The following OR2C3 variants were observed in gnomAD, a reference collection of about 807,000 sequenced individuals.
OR2C3 encodes olfactory receptor family 2 subfamily C member 3, also known as olfactory receptor 2C3.
For missense variants in OR2C3, 425 were observed against 401.5 expected (o/e 1.06, Z -0.50); for synonymous variants, 178 against 163.4 (o/e 1.09, Z -0.68).
chr1:247,527,076 T>TG lies in OR2C3; in HGVS notation c.*4472_*4473insC, dbSNP rs1307737943. Reference sequence around the variant, plus strand: ...TGAGGTACAAATCACATTTCAAGTGTATTTCCTTGGGTTCTGGAGAGGATG... The same window carrying TG: ...TGAGGTACAAATCACATTTCAAGTGTGATTTCCTTGGGTTCTGGAGAGGATG... On this transcript the variant is annotated 3_prime_UTR_variant, in exon 3 of 3. Transcript: ENST00000641802. This position sits in a 1 kb window ranked among gnomAD's most constrained non-coding sequence, Gnocchi z 4.6. The TG allele has an allele frequency of 2.2e-6, 1 of 456,640 alleles. No homozygotes were observed. Among genetic ancestry groups the TG allele is most frequent in the Non-Finnish European group, 4.4e-6 (1 of 226,948 alleles). The allele number at this position is 456,640 out of a possible 1,614,324, so 28.3% of individuals were successfully genotyped here. A position where few individuals can be genotyped will look rare whatever the true frequency, so the allele number is the denominator to read the frequency against.
At position 247,531,496 on chromosome 1, in the gene OR2C3, G is replaced by T; in HGVS notation, c.*53C>A. On this transcript the variant is annotated 3_prime_UTR_variant, in exon 3 of 3. Coordinates refer to ENST00000641802, the MANE Select transcript of OR2C3 (RefSeq NM_198074.6). ...CATCCCAAGTGCCCTGTCTTCCAAG[G>T]TCACTTTGCTCGATGTAAACTTGAT... 1.3e-6 allele frequency: 2 copies of T among 1,563,386 alleles called. No homozygotes were observed. Among genetic ancestry groups the T allele is most frequent in the Non-Finnish European group, 1.7e-6 (2 of 1,153,652 alleles).
At chr1:247,533,986 TA>T (rs1667114088) in intron 1 of OR2C3, 108 bp from the exon 2 acceptor site, 1 of 151,880 alleles carries the variant, frequency 6.6e-6, no homozygotes, top group Admixed American at 6.5e-5. Flanking sequence ...TTGCTATACT[TA>T]CAGTGCTTTC....
At chr1:247,535,162 T>C (rs1224196946) in intron 1 of OR2C3, among the ~76,000 whole-genome samples, 1 of 151,790 alleles carries the variant, frequency 6.6e-6, no homozygotes, top group Non-Finnish European at 1.5e-5. Context: ...AAAAATAAAA[T>C]AAAATGACTG....
rs1302310324 is a variant in OR2C3, at chr1:247,527,149, A to T, written c.*4400T>A. ...TAGGGAGCAGTTGGGTGAGCACATG[A>T]CCAATCAGCCTGAGCATTTAAGGCA... is the stretch of plus-strand genomic sequence containing the variant. On this transcript the variant is annotated 3_prime_UTR_variant, in exon 3 of 3. Coordinates refer to ENST00000641802, the MANE Select transcript of OR2C3 (RefSeq NM_198074.6). This position sits in a 1 kb window ranked among gnomAD's most constrained non-coding sequence, Gnocchi z 4.6. The T allele has an allele frequency of 2.3e-6, 1 of 442,842 alleles. No individual in the cohort carries two copies. Among genetic ancestry groups the T allele is most frequent in the Admixed American group, 2.4e-5 (1 of 41,682 alleles). The allele number at this position is 442,842 out of a possible 1,614,324, so 27.4% of individuals were successfully genotyped here. A position where few individuals can be genotyped will look rare whatever the true frequency, so the allele number is the denominator to read the frequency against.
Position 247,532,244 on chromosome 1 carries a change from G to T in OR2C3, c.268C>A (p.Gln90Lys), listed in dbSNP as rs777675882. Residue 90 changes from glutamine to lysine, a missense_variant, in exon 3 of 3, where the codon CAG becomes AAG. Transcript: ENST00000641802. Reference protein sequence around the residue: ...PQLLANLWGPQKTISYGGCVV... With the variant: ...PQLLANLWGPKKTISYGGCVV... ...CACCCTCCATAGCTTATGGTTTTCT[G>T]TGGTCCCCAGAGGTTAGCCAGGAGC... 1 of 1,614,212 alleles carries T rather than the reference G, an allele frequency of 6.2e-7. No homozygotes were observed. Among genetic ancestry groups the T allele is most frequent in the South Asian group, 1.1e-5 (1 of 91,084 alleles).
Position 247,530,149 on chromosome 1 carries a change from C to G in OR2C3, c.*1400G>C, listed in dbSNP as rs533385883. ...GATCCTAGTACGAAAGGAAAGACTA[C>G]TTTAATGACTACTTTCATATTATAT... is the stretch of plus-strand genomic sequence containing the variant. On this transcript the variant is annotated 3_prime_UTR_variant, in exon 3 of 3. Coordinates refer to ENST00000641802, the MANE Select transcript of OR2C3 (RefSeq NM_198074.6). The G allele has an allele frequency of 2.0e-5, 3 of 152,180 alleles. No homozygotes were observed. In the East Asian group the frequency reaches 5.8e-4, roughly 29 times the overall value. The allele number at this position is 152,180 out of a possible 1,614,324, so 9.4% of individuals were successfully genotyped here.
Position 247,531,277 on chromosome 1 carries a change from C to A in OR2C3, c.*272G>T. Reference sequence around the variant, plus strand: ...CTTCGGATACTGAGGAACAGCTGAACAACAACGCAAGGAGTTTACAAAACA... The same window carrying A: ...CTTCGGATACTGAGGAACAGCTGAAAAACAACGCAAGGAGTTTACAAAACA... On this transcript the variant is annotated 3_prime_UTR_variant, in exon 3 of 3. Transcript: ENST00000641802. The A allele has an allele frequency of 2.2e-6, 1 of 445,178 alleles. No individual in the cohort carries two copies. The allele number at this position is 445,178 out of a possible 1,614,324, so 27.6% of individuals were successfully genotyped here.
rs572950792 is a variant in OR2C3 at position 247,535,482 on chromosome 1, A to G, written c.-402+686T>C. Among the ~76,000 whole-genome samples, 3 of 152,364 alleles carry G rather than the reference A, an allele frequency of 2.0e-5. No homozygotes were observed. In the South Asian group the frequency reaches 6.2e-4, roughly 32 times the overall value. ...GGTGTACTGTATATAGAGTCACCGC[A>G]GGTGAGCTGAAAAACAACAGGTTAA... On this transcript the variant is annotated intron_variant, in intron 1 of 2. Transcript: ENST00000641802.
Position 247,526,852 on chromosome 1 carries a change from G to A in OR2C3, c.*4697C>T. On this transcript the variant is annotated 3_prime_UTR_variant, in exon 3 of 3. Transcript: ENST00000641802. This position sits in a 1 kb window ranked among gnomAD's most constrained non-coding sequence, Gnocchi z 4.8. ...AAGTGGTGTCCAATATGGCATGTTAGCATTTTCCTCTTCATTTACTATAAC... is the reference window on the plus strand; with the variant it reads ...AAGTGGTGTCCAATATGGCATGTTAACATTTTCCTCTTCATTTACTATAAC... 2.5e-6 allele frequency: 1 copy of A among 405,738 alleles called. No individual in the cohort carries two copies. Among genetic ancestry groups the A allele is most frequent in the Non-Finnish European group, 4.9e-6 (1 of 205,060 alleles). 25.1% of individuals were successfully genotyped at this position (405,738 alleles called of 1,614,324 possible).
Position 247,532,144 on chromosome 1 carries a change from C to A in OR2C3, c.368G>T (p.Arg123Leu), listed in dbSNP as rs146056608. ...GAGTGGCCTGCAGATGGCAGCGTAG[C>A]GGTCATAGGACATGGTGGCCAGCAG... ...CVLLATMSYD[R>L]YAAICRPLHY... The change falls in exon 3 of 3, where the codon CGC (arginine) becomes CTC (leucine). Residue 123 changes from arginine to leucine, a missense_variant. By Grantham distance (102) the Arg-to-Leu change is moderately radical (BLOSUM62 -2). Coordinates refer to ENST00000641802, the MANE Select transcript of OR2C3 (RefSeq NM_198074.6). 2 of 1,614,006 alleles carry A rather than the reference C, an allele frequency of 1.2e-6. No individual in the cohort carries two copies. The highest frequency in any genetic ancestry group is 2.2e-5 in the East Asian group (1 of 44,870).
rs1572301277 is a variant in OR2C3, at chr1:247,526,588, C to T, written c.*4961G>A. ...CACAGTCAATGTGGCCTGGGTCCTTCACTCTCCACATTTCTCAGCTGTGCA... is the reference window on the plus strand; with the variant it reads ...CACAGTCAATGTGGCCTGGGTCCTTTACTCTCCACATTTCTCAGCTGTGCA... On this transcript the variant is annotated 3_prime_UTR_variant, in exon 3 of 3. Coordinates refer to ENST00000641802, the MANE Select transcript of OR2C3 (RefSeq NM_198074.6). This position sits in a 1 kb window ranked among gnomAD's most constrained non-coding sequence, Gnocchi z 4.8. The T allele has an allele frequency of 9.9e-5, 19 of 191,832 alleles. No homozygotes were observed. The South Asian group carries it at 1.8e-3, about 18-fold the overall frequency. The allele number at this position is 191,832 out of a possible 1,614,324, so 11.9% of individuals were successfully genotyped here.
chr1:247,533,203 A>G (rs1321227560), intron 2 of OR2C3, among the ~76,000 whole-genome samples: 1 of 152,054 alleles, frequency 6.6e-6, no homozygotes, highest in Non-Finnish European at 1.5e-5. Context: ...ACTCTAACTC[A>G]TCTCTCTGCT....
chr1:247,525,329 T>C lies in OR2C3; in HGVS notation c.*6220A>G, dbSNP rs1014211805. 6.6e-6 allele frequency: 1 copy of C among 152,218 alleles called. No homozygotes were observed. The highest frequency in any genetic ancestry group is 2.4e-5 in the African/African-American group (1 of 41,446). 9.4% of individuals were successfully genotyped at this position (152,218 alleles called of 1,614,324 possible). A position where few individuals can be genotyped will look rare whatever the true frequency, so the allele number is the denominator to read the frequency against. ...TGGAAATAACGCCAGGTCTGCTGGG[T>C]GAGGGCTAAGTCTCATAAGACATCC... On this transcript the variant is annotated 3_prime_UTR_variant, in exon 3 of 3. Coordinates refer to ENST00000641802, the MANE Select transcript of OR2C3 (RefSeq NM_198074.6).
chr1:247,534,279 C>T (rs1458829370), intron 1 of OR2C3, among the ~76,000 whole-genome samples: 3 of 152,098 alleles, frequency 2.0e-5, no homozygotes, highest in Non-Finnish European at 4.4e-5. Flanking sequence ...AGTGTCTAAC[C>T]CAGTGTCTGA....
In OR2C3 at chr1:247,528,140, T is replaced by A. The variant is rs1666755712; in HGVS notation, c.*3409A>T. ...TTCCTGACTCATAATAATGTTATCA[T>A]GTGTCTCTGACTCCTAGAGTACCTG... On this transcript the variant is annotated 3_prime_UTR_variant, in exon 3 of 3. Transcript: ENST00000641802. 6.6e-6 allele frequency: 1 copy of A among 152,218 alleles called. No homozygotes were observed. Among genetic ancestry groups the A allele is most frequent in the Non-Finnish European group, 1.5e-5 (1 of 68,048 alleles). 9.4% of individuals were successfully genotyped at this position (152,218 alleles called of 1,614,324 possible).
rs1666783997 is a variant in OR2C3 at position 247,528,681 on chromosome 1, A to AT, written c.*2867dup. 1 of 152,248 alleles carries AT rather than the reference A, an allele frequency of 6.6e-6. No homozygotes were observed. The allele number at this position is 152,248 out of a possible 1,614,324, so 9.4% of individuals were successfully genotyped here. A position where few individuals can be genotyped will look rare whatever the true frequency, so the allele number is the denominator to read the frequency against. On this transcript the variant is annotated 3_prime_UTR_variant, in exon 3 of 3. Transcript: ENST00000641802. Reference sequence around the variant, plus strand: ...CTACAGGCAGTTTAGCTGGTTGTTAATTTTTTATAGAAGGAGACAGGCACA... The same window carrying AT: ...CTACAGGCAGTTTAGCTGGTTGTTAATTTTTTTATAGAAGGAGACAGGCACA...
rs1244551121 is a variant in OR2C3, at chr1:247,528,326, A to G, written c.*3223T>C. Reference sequence around the variant, plus strand: ...TTGATACATGTATACTTGTGTAATGATCAAATCAAGGTAATTAACATATCC... The same window carrying G: ...TTGATACATGTATACTTGTGTAATGGTCAAATCAAGGTAATTAACATATCC... On this transcript the variant is annotated 3_prime_UTR_variant, in exon 3 of 3. Transcript: ENST00000641802. 6.6e-6 allele frequency: 1 copy of G among 152,154 alleles called. No homozygotes were observed. The highest frequency in any genetic ancestry group is 1.9e-4 in the East Asian group (1 of 5,194). 9.4% of individuals were successfully genotyped at this position (152,154 alleles called of 1,614,324 possible).
At chr1:247,535,033 C>T (rs76840780) in intron 1 of OR2C3, among the ~76,000 whole-genome samples, 2,004 of 152,104 alleles carry the variant, frequency 0.013, 37 homozygotes, top group African/African-American at 0.042. Flanking sequence ...GGAGGCAAGC[C>T]GGGGGCGGTG....
rs1020125598 is a variant in OR2C3, at chr1:247,530,110, A to G, written c.*1439T>C. On this transcript the variant is annotated 3_prime_UTR_variant, in exon 3 of 3. Transcript: ENST00000641802. The stretch of plus-strand genomic sequence containing the variant: ...GTTTCTCTGGAGAACCCTGACTAAT[A>G]CAGTGAATTGGAAGATCCTAGTACG... 1 of 152,108 alleles carries G rather than the reference A, an allele frequency of 6.6e-6. No homozygotes were observed. The highest frequency in any genetic ancestry group is 1.5e-5 in the Non-Finnish European group (1 of 68,024). The allele number at this position is 152,108 out of a possible 1,614,324, so 9.4% of individuals were successfully genotyped here.
Sources: allele counts gnomAD v4.1 joint callset (sites outside exome capture counted in the v4.1 genomes callset), GRCh38; gene constraint gnomAD v4.1.1; non-coding constraint Gnocchi (gnomAD v3.1); transcripts MANE v1.5; gene names NCBI Gene and HGNC (gene_info 2026-07-23, HGNC 2026-07-21).